Variants in PDE1C observed in about 807,000 individuals in gnomAD.
PDE1C encodes the protein phosphodiesterase 1C.
PDE1C carries 62 observed loss-of-function variants against 93.1 expected under a neutral mutation model. That is an observed-to-expected ratio of 0.67 (90% CI 0.54 to 0.82). The LOEUF is 0.82. Ranked by LOEUF, PDE1C falls within the 40% of genes least tolerant of loss-of-function variation. PDE1C has a pLI of 0.00. For synonymous variants in PDE1C, 325 were observed against 310.1 expected (o/e 1.05, Z -0.50); for missense variants, 742 against 884.6 (o/e 0.84, Z 2.04).
At chr7:31,796,379 A>C (rs903429250) in intron 16 of PDE1C, among the ~76,000 whole-genome samples, 6 of 151,666 alleles carry the variant, frequency 4.0e-5, no homozygotes, top group Admixed American at 2.6e-4. Context: ...CCAGACACAA[A>C]AATCTGCAAG....
intron 16 of PDE1C, chr7:31,784,065 CT>C (rs1225248122): frequency 6.6e-6 from 1 of 152,120 alleles, no homozygotes; most frequent in Admixed American, 6.5e-5. Context: ...TTGCCTCTCT[CT>C]TTTGAGTCTT....
intron 3 of PDE1C, among the ~76,000 whole-genome samples, chr7:32,167,336 A>G (rs1401607520): frequency 3.3e-5 from 5 of 152,238 alleles, no homozygotes; most frequent in Non-Finnish European, 1.5e-5. Context: ...AGTGGAATTA[A>G]GTATCTAACC....
intron 2 of PDE1C, among the ~76,000 whole-genome samples, chr7:31,958,157 CAAGTT>C (rs1242915476): frequency 6.6e-6 from 1 of 152,168 alleles, no homozygotes; most frequent in East Asian, 1.9e-4. Flanking sequence ...ATGCTAGTGC[CAAGTT>C]AAGTGACACA....
At chr7:32,317,477 C>T (rs910527544) in intron 1 of PDE1C, among the ~76,000 whole-genome samples, 1 of 152,066 alleles carries the variant, frequency 6.6e-6, no homozygotes, top group Non-Finnish European at 1.5e-5. Flanking sequence ...CAGATACCCT[C>T]TTCTGATGGC....
chr7:32,137,763 A>G (rs1359883193), intron 3 of PDE1C, among the ~76,000 whole-genome samples: 1 of 152,184 alleles, frequency 6.6e-6, no homozygotes. Context: ...TAGGTAAGAG[A>G]AAAGAGATGT....
chr7:32,358,694 A>C (rs1032682018), intron 1 of PDE1C, among the ~76,000 whole-genome samples: 1 of 152,194 alleles, frequency 6.6e-6, no homozygotes, highest in Non-Finnish European at 1.5e-5. Flanking sequence ...TCACCGTTCT[A>C]TGAATGAGAA....
chr7:31,674,314 C>A, the PDE1C span, among the ~76,000 whole-genome samples: 1 of 151,996 alleles, frequency 6.6e-6, no homozygotes, highest in Non-Finnish European at 1.5e-5. Flanking sequence ...GATAGTTATG[C>A]AATAAAGAAA....
intron 3 of PDE1C, among the ~76,000 whole-genome samples, chr7:32,093,031 T>C (rs1797561939): frequency 6.6e-6 from 1 of 152,212 alleles, no homozygotes; most frequent in Admixed American, 6.5e-5. Context: ...AGAGGGTTCA[T>C]GGGATTTTCA....
At chr7:31,986,458 T>A (rs1045243691) in intron 2 of PDE1C, among the ~76,000 whole-genome samples, 1 of 152,218 alleles carries the variant, frequency 6.6e-6, no homozygotes, top group African/African-American at 2.4e-5. Context: ...ATATGAATTT[T>A]GGTGGGGACA....
At chr7:32,042,193 A>T (rs1791915145) in intron 2 of PDE1C, among the ~76,000 whole-genome samples, 1 of 152,180 alleles carries the variant, frequency 6.6e-6, no homozygotes, top group East Asian at 1.9e-4. Context: ...TCAGCTACTC[A>T]GGAAGCTGAG....
At chr7:32,103,804 G>C (rs549239701) in intron 3 of PDE1C, among the ~76,000 whole-genome samples, 1 of 152,264 alleles carries the variant, frequency 6.6e-6, no homozygotes, top group South Asian at 2.1e-4. Context: ...TAGAGAAAAA[G>C]AGTAACTGAT....
chr7:31,947,839 T>C (rs539207239), intron 2 of PDE1C, among the ~76,000 whole-genome samples: 39 of 152,280 alleles, frequency 2.6e-4, no homozygotes, highest in African/African-American at 7.9e-4. Context: ...CAGTTCAACA[T>C]AGATTTTTAA....
At chr7:32,375,075 G>A (rs1381073797) in intron 1 of PDE1C, among the ~76,000 whole-genome samples, 1 of 152,176 alleles carries the variant, frequency 6.6e-6, no homozygotes, top group African/African-American at 2.4e-5. Context: ...TTGTGAGTGA[G>A]GATGTATCCT....
chr7:31,947,578 C>A (rs890144584), intron 2 of PDE1C, among the ~76,000 whole-genome samples: 1 of 152,202 alleles, frequency 6.6e-6, no homozygotes, highest in African/African-American at 2.4e-5. Context: ...CAGCCCCCAT[C>A]ATTCACTGCT....
chr7:32,336,164 A>G (rs1485432493), intron 1 of PDE1C, among the ~76,000 whole-genome samples: 1 of 152,212 alleles, frequency 6.6e-6, no homozygotes, highest in Non-Finnish European at 1.5e-5. Context: ...AAGAGAGTCT[A>G]ATTAATGAAG....
At chr7:31,735,946 T>C in the PDE1C span, among the ~76,000 whole-genome samples, 4 of 152,218 alleles carry the variant, frequency 2.6e-5, no homozygotes, top group African/African-American at 9.6e-5. Flanking sequence ...CATCCTCCCA[T>C]ATATGTTACA....
the PDE1C span, among the ~76,000 whole-genome samples, chr7:31,742,463 G>C: frequency 6.6e-6 from 1 of 152,222 alleles, no homozygotes; most frequent in African/African-American, 2.4e-5. Flanking sequence ...AGCAACTTGG[G>C]AGGCTGAGGC....
chr7:32,322,675 G>A (rs1783321873), intron 1 of PDE1C, among the ~76,000 whole-genome samples: 1 of 149,940 alleles, frequency 6.7e-6, no homozygotes, highest in Non-Finnish European at 1.5e-5. Context: ...GGAGTGCAGT[G>A]ACATAATCTT....
chr7:32,000,598 C>T (rs547755191), intron 2 of PDE1C, among the ~76,000 whole-genome samples: 1 of 152,288 alleles, frequency 6.6e-6, no homozygotes, highest in African/African-American at 2.4e-5. Flanking sequence ...AACCCTCTCA[C>T]CAGCTCAAAC....
Sources: gnomAD v4.1 joint callset for allele counts (sites outside exome capture counted in the v4.1 genomes callset) on GRCh38, gnomAD v4.1.1 for gene constraint, MANE v1.5 for transcripts, NCBI Gene and HGNC (gene_info 2026-07-23, HGNC 2026-07-21) for gene names.